Variants in TFDP2 observed in about 807,000 individuals in gnomAD.
TFDP2 encodes the protein transcription factor Dp-2.
TFDP2 carries 17 observed loss-of-function variants against 59.3 expected under a neutral mutation model. The ratio of observed to expected loss-of-function variants is 0.29; its 90% CI spans 0.20 to 0.43. The LOEUF (loss-of-function observed/expected upper bound fraction) is 0.43. Among genes scored for constraint, TFDP2 ranks in the 20% least tolerant of loss-of-function variants. The pLI is 1.00. For missense variants in TFDP2, 391 were observed against 528.8 expected, an observed-to-expected ratio of 0.74 and a Z score of 2.56; for synonymous variants, 180 against 194.7, an observed-to-expected ratio of 0.92 and a Z score of 0.63.
At chr3:141,988,342 T>C (rs1942366749) in intron 6 of TFDP2, among the ~76,000 whole-genome samples, 1 of 152,236 alleles carries the variant, frequency 6.6e-6, no homozygotes, top group Non-Finnish European at 1.5e-5. Flanking sequence ...TCAAGTCATG[T>C]GCTTTTTTCT....
chr3:141,969,163 A>T (rs1349005628), intron 9 of TFDP2, among the ~76,000 whole-genome samples: 3 of 92,356 alleles, frequency 3.2e-5, no homozygotes, highest in Non-Finnish European at 5.8e-5. Flanking sequence ...ATATATATAT[A>T]ACATATATAT....
chr3:142,001,371 G>T (rs979277162), intron 4 of TFDP2, among the ~76,000 whole-genome samples: 6 of 152,204 alleles, frequency 3.9e-5, no homozygotes, highest in Non-Finnish European at 7.3e-5. Flanking sequence ...TTGACACAGT[G>T]CCAGGAAGGG....
chr3:142,051,431 C>T (rs962550448), intron 3 of TFDP2, among the ~76,000 whole-genome samples: 1 of 151,488 alleles, frequency 6.6e-6, no homozygotes, highest in Non-Finnish European at 1.5e-5. Context: ...CCCAGCTACT[C>T]GGGAGGCTGA....
intron 2 of TFDP2, among the ~76,000 whole-genome samples, chr3:142,095,247 C>T (rs141938718): frequency 0.019 from 2,859 of 152,270 alleles, 33 homozygotes; most frequent in Middle Eastern, 0.027. Context: ...GTCTTGGCCT[C>T]CCAAAGTACT....
chr3:142,036,629 A>G (rs1946706790), intron 3 of TFDP2, among the ~76,000 whole-genome samples: 1 of 152,206 alleles, frequency 6.6e-6, no homozygotes, highest in African/African-American at 2.4e-5. Context: ...TAATAAACAA[A>G]TTAATAAATG....
At chr3:142,106,886 T>C (rs2108659286) in intron 1 of TFDP2, among the ~76,000 whole-genome samples, 1 of 152,192 alleles carries the variant, frequency 6.6e-6, no homozygotes, top group African/African-American at 2.4e-5. Context: ...TTAATCAAAA[T>C]ACAAGGAAGA....
chr3:142,136,761 G>A (rs2062753960), intron 1 of TFDP2, among the ~76,000 whole-genome samples: 6 of 151,962 alleles, frequency 3.9e-5, no homozygotes, highest in Admixed American at 3.9e-4. Context: ...CTATATCTCT[G>A]TTTTGGTACC....
chr3:141,968,379 ATC>A (rs1389128919), intron 9 of TFDP2, among the ~76,000 whole-genome samples: 1 of 109,954 alleles, frequency 9.1e-6, no homozygotes, highest in Non-Finnish European at 1.9e-5. Context: ...TATAACATAT[ATC>A]TCATATATAT....
intron 1 of TFDP2, among the ~76,000 whole-genome samples, chr3:142,105,665 A>G (rs977943071): frequency 7.9e-5 from 12 of 152,236 alleles, no homozygotes; most frequent in Non-Finnish European, 1.6e-4. Flanking sequence ...GTAAGAGGGT[A>G]CCAATAAAAA....
At chr3:142,081,370 T>C (rs2108582917) in intron 3 of TFDP2, among the ~76,000 whole-genome samples, 1 of 152,212 alleles carries the variant, frequency 6.6e-6, no homozygotes, top group South Asian at 2.1e-4. Context: ...TAAGTGCTTA[T>C]ACATCAAAAA....
At chr3:142,129,559 A>G (rs555252657) in intron 1 of TFDP2, among the ~76,000 whole-genome samples, 1 of 152,296 alleles carries the variant, frequency 6.6e-6, no homozygotes, top group East Asian at 1.9e-4. Flanking sequence ...TATATTTGAT[A>G]AGGGTTTCAT....
At chr3:142,105,517 T>C (rs1286683170) in intron 1 of TFDP2, among the ~76,000 whole-genome samples, 2 of 152,188 alleles carry the variant, frequency 1.3e-5, no homozygotes, top group African/African-American at 4.8e-5. Flanking sequence ...GAGCTGCTTG[T>C]CTCCGGGCAT....
Position 142,053,617 on chromosome 3 carries a change from TTAAAA to T in TFDP2, c.82+39439_82+39443del, listed in dbSNP as rs554532264. On this transcript the variant is annotated intron_variant, in intron 3 of 12. Coordinates refer to ENST00000489671, the MANE Select transcript of TFDP2 (RefSeq NM_001178139.2). ...GTCTGCTCTTCAAAATCTCTTAACT[TTAAAA>T]AGTTAAGACTGAGAAAGTAGAACCT... Among the ~76,000 whole-genome samples the T allele has an allele frequency of 2.8e-4, 43 of 152,224 alleles. No homozygotes were observed. In the South Asian group the frequency reaches 8.7e-3, roughly 31 times the overall value.
At chr3:142,117,816 G>C (rs1406046651) in intron 1 of TFDP2, among the ~76,000 whole-genome samples, 1 of 152,114 alleles carries the variant, frequency 6.6e-6, no homozygotes, top group Non-Finnish European at 1.5e-5. Context: ...AGGAAATTAG[G>C]CCAGGCACAG....
chr3:142,062,801 C>T (rs1376682288), intron 3 of TFDP2, among the ~76,000 whole-genome samples: 4 of 152,100 alleles, frequency 2.6e-5, no homozygotes, highest in Non-Finnish European at 5.9e-5. Flanking sequence ...TGGAGTATTA[C>T]ATAGCAATGA....
intron 1 of TFDP2, 43 bp from the exon 2 acceptor site, chr3:142,101,884 A>T (rs1446386593): frequency 1.1e-5 from 5 of 473,170 alleles, no homozygotes; most frequent in Non-Finnish European, 1.8e-5. Context: ...AATAATAATA[A>T]TAGGCAACAT....
chr3:142,003,827 C>T (rs1042004721), intron 4 of TFDP2, among the ~76,000 whole-genome samples: 2 of 151,988 alleles, frequency 1.3e-5, no homozygotes, highest in South Asian at 2.1e-4. Context: ...GTGTAAGGGC[C>T]AAAATGCACA....
chr3:142,006,357 T>C (rs1471444851), intron 3 of TFDP2, among the ~76,000 whole-genome samples: 3 of 152,142 alleles, frequency 2.0e-5, no homozygotes, highest in Non-Finnish European at 4.4e-5. Context: ...ACTAAAACCC[T>C]GGGGACAAGC....
chr3:142,051,608 A>G (rs1947633467), intron 3 of TFDP2, among the ~76,000 whole-genome samples: 1 of 152,180 alleles, frequency 6.6e-6, no homozygotes. Flanking sequence ...AGCTACCAAG[A>G]GAGTACAGTA....
Sources: gnomAD v4.1 joint callset for allele counts (sites outside exome capture counted in the v4.1 genomes callset) on GRCh38, gnomAD v4.1.1 for gene constraint, MANE v1.5 for transcripts, NCBI Gene and HGNC (gene_info 2026-07-23, HGNC 2026-07-21) for gene names.